The following POLA2 variants were observed in gnomAD, a reference collection of about 807,000 sequenced individuals.
The protein encoded by POLA2 is DNA polymerase alpha subunit B.
Under a neutral mutation model 82.8 loss-of-function variants are expected in POLA2, and 47 were observed. That is an observed-to-expected ratio of 0.57 (90% CI 0.45 to 0.72). POLA2 has a LOEUF of 0.72. POLA2 is among the 30% of genes least tolerant of loss of function. POLA2 has a pLI of 0.00. For synonymous variants in POLA2, 287 were observed against 286.8 expected, an observed-to-expected ratio of 1.00 and a Z score of -0.01; for missense variants, 634 against 728.1, an observed-to-expected ratio of 0.87 and a Z score of 1.49.
rs781428482 is a variant in POLA2 at position 65,294,588 on chromosome 11, G to A, written c.1396G>A (p.Gly466Arg). Residue 466 changes from glycine to arginine, a missense_variant, in exon 15 of 18, where the codon GGA becomes AGA. By Grantham distance (125) the Gly-to-Arg change is moderately radical (BLOSUM62 -2). Transcript: ENST00000265465. ...VSEPCSLSIN[G>R]VIFGLTSTDL... ...CGAGCCCTGCAGCCTCTCCATAAACGGAGTGATCTTCGGCTTGACATCCAC... is the reference window on the plus strand; with the variant it reads ...CGAGCCCTGCAGCCTCTCCATAAACAGAGTGATCTTCGGCTTGACATCCAC... The A allele has an allele frequency of 1.3e-5, 21 of 1,614,002 alleles. No homozygotes were observed. The highest frequency in any genetic ancestry group is 2.7e-5 in the African/African-American group (2 of 74,916).
chr11:65,276,488 T>C (rs1241856842), intron 5 of POLA2, among the ~76,000 whole-genome samples: 4 of 152,174 alleles, frequency 2.6e-5, no homozygotes, highest in Non-Finnish European at 5.9e-5. Flanking sequence ...TTCTGAGAGT[T>C]TTCTTGTCAC....
rs199885114 is a variant in POLA2 at position 65,281,666 on chromosome 11, T to C, written c.901-4T>C. 1.2e-6 allele frequency: 2 copies of C among 1,611,644 alleles called. No homozygotes were observed. The highest frequency in any genetic ancestry group is 4.5e-5 in the East Asian group (2 of 44,870). On this transcript the variant is annotated splice_region_variant and splice_polypyrimidine_tract_variant and intron_variant, in intron 8 of 17. Coordinates refer to ENST00000265465, the MANE Select transcript of POLA2 (RefSeq NM_002689.4). ...TAGCAATCCTGTTTGTTTTTGTCTT[T>C]CAGGTTGTAATTATGGAAGGAATCA...
intron 4 of POLA2, among the ~76,000 whole-genome samples, chr11:65,275,341 T>C (rs1235847260): frequency 2.0e-5 from 3 of 149,056 alleles, no homozygotes; most frequent in Non-Finnish European, 4.4e-5. Flanking sequence ...GTTCTGGGCT[T>C]ATCTTTGGAT....
intron 8 of POLA2, 71 bp from the exon 9 acceptor site, chr11:65,281,599 C>A: frequency 1.8e-6 from 2 of 1,105,328 alleles, no homozygotes; most frequent in Non-Finnish European, 2.8e-6. Flanking sequence ...CTTTTAACTG[C>A]CTCAAAATAA....
Position 65,290,075 on chromosome 11 carries a change from T to G in POLA2, c.1244+203T>G, listed in dbSNP as rs950694708. ...ACCAGCCTGGCCAATATGGTAAAACTCTGTCTGTACTAAAAATACAGAATT... is the reference window on the plus strand; with the variant it reads ...ACCAGCCTGGCCAATATGGTAAAACGCTGTCTGTACTAAAAATACAGAATT... On this transcript the variant is annotated intron_variant, in intron 13 of 17. Transcript: ENST00000265465. Among the ~76,000 whole-genome samples the G allele has an allele frequency of 2.7e-5, 4 of 148,724 alleles. No individual in the cohort carries two copies. In the South Asian group the frequency reaches 8.5e-4, roughly 32 times the overall value.
intron 4 of POLA2, among the ~76,000 whole-genome samples, chr11:65,272,606 A>C (rs928487285): frequency 6.6e-6 from 1 of 152,190 alleles, no homozygotes; most frequent in South Asian, 2.1e-4. Flanking sequence ...ATTTCTAGTA[A>C]ATTAATAAAC....
chr11:65,268,345 A>T, intron 3 of POLA2, among the ~76,000 whole-genome samples: 1 of 150,390 alleles, frequency 6.6e-6, no homozygotes. Flanking sequence ...AAAGTTTATT[A>T]TTATTATTAT....
chr11:65,278,680 T>C, intron 5 of POLA2, 50 bp from the exon 6 acceptor site: 1 of 1,436,648 alleles, frequency 7.0e-7, no homozygotes, highest in African/African-American at 1.4e-5. Flanking sequence ...TATTCTTCTC[T>C]CCCTTTAGAT....
At chr11:65,303,342 C>CAAAA (rs917292541), downstream of POLA2, among the ~76,000 whole-genome samples, 2 of 51,612 alleles carry the variant, frequency 3.9e-5, no homozygotes, top group Admixed American at 2.2e-4. Flanking sequence ...ACTCTGTCTC[C>CAAAA]AAAAAAAAAA....
At chr11:65,279,900 G>T in intron 7 of POLA2, 1 of 362,926 alleles carries the variant, frequency 2.8e-6, no homozygotes, top group Non-Finnish European at 5.0e-6. Context: ...GAGTCAGGTA[G>T]CTCCCCGGGG....
At chr11:65,269,501 A>AC (rs1555018986) in intron 4 of POLA2, among the ~76,000 whole-genome samples, 35 of 147,670 alleles carry the variant, frequency 2.4e-4, no homozygotes, top group South Asian at 4.3e-4. Flanking sequence ...AAAAAAAAAA[A>AC]AACAACAACA....
chr11:65,287,925 T>A, intron 11 of POLA2, 85 bp downstream of exon 11: 1 of 1,267,132 alleles, frequency 7.9e-7, no homozygotes, highest in Non-Finnish European at 1.1e-6. Context: ...AGCATGTCAG[T>A]CCCTCCTCCT....
At chr11:65,272,704 A>G (rs367590152) in intron 4 of POLA2, among the ~76,000 whole-genome samples, 35 of 152,266 alleles carry the variant, frequency 2.3e-4, no homozygotes, top group African/African-American at 5.5e-4. Flanking sequence ...ATTGGTGACT[A>G]CATTTCTGAT....
chr11:65,304,381 A>G (rs1207271090), intron 8 of POLA2, among the ~76,000 whole-genome samples: 1 of 148,586 alleles, frequency 6.7e-6, no homozygotes, highest in Admixed American at 6.7e-5. Flanking sequence ...GAACTTAACC[A>G]TCCATCTTTT....
At chr11:65,284,125 CACTA>C (rs1185672480) in intron 10 of POLA2, among the ~76,000 whole-genome samples, 1 of 135,234 alleles carries the variant, frequency 7.4e-6, no homozygotes, top group Non-Finnish European at 1.6e-5. Flanking sequence ...AAGAGTAAGA[CACTA>C]GATAGATAGA....
At chr11:65,280,946 C>T (rs1949633481) in intron 7 of POLA2, 46 bp from the exon 8 acceptor site, 1 of 1,590,272 alleles carries the variant, frequency 6.3e-7, no homozygotes, top group Non-Finnish European at 8.6e-7. Context: ...TTTTGAGCTC[C>T]TGCTCCAAAG....
downstream of POLA2, among the ~76,000 whole-genome samples, chr11:65,300,503 C>T (rs1949853909): frequency 1.3e-5 from 2 of 152,028 alleles, no homozygotes; most frequent in South Asian, 4.1e-4. Flanking sequence ...CCACTCGCCT[C>T]GGCCTCCCAA....
At chr11:65,285,459 C>G (rs1949686479) in intron 10 of POLA2, among the ~76,000 whole-genome samples, 1 of 151,140 alleles carries the variant, frequency 6.6e-6, no homozygotes, top group Admixed American at 6.6e-5. Context: ...TCCCAGCAAC[C>G]TGGAAGGCTA....
chr11:65,275,329 C>T (rs1178395809), intron 4 of POLA2, among the ~76,000 whole-genome samples: 1 of 149,944 alleles, frequency 6.7e-6, no homozygotes, highest in Non-Finnish European at 1.5e-5. Context: ...GTTTCAGCCT[C>T]CGTTCTGGGC....
Sources: gnomAD v4.1 joint callset for allele counts (sites outside exome capture counted in the v4.1 genomes callset) on GRCh38, gnomAD v4.1.1 for gene constraint, MANE v1.5 for transcripts, NCBI Gene and HGNC (gene_info 2026-07-23, HGNC 2026-07-21) for gene names.